ZNF200: variants seen among roughly 807,000 people sequenced by gnomAD.
The protein encoded by ZNF200 is zinc finger protein 200.
ZNF200 carries 35 observed loss-of-function variants against 33.6 expected under a neutral mutation model. The observed-to-expected ratio is 1.04, with a 90% confidence interval of 0.80 to 1.38. ZNF200 has a LOEUF of 1.38. Among genes scored for constraint, ZNF200 ranks in the 40% most tolerant of loss-of-function variants. The pLI is 0.00. For synonymous variants in ZNF200, 209 were observed against 167.7 expected (o/e 1.25, Z -1.90); for missense variants, 592 against 470.6 (o/e 1.26, Z -2.39).
rs1455626922 is a variant in ZNF200, at chr16:3,223,585, G to GA, written c.*306dup. The GA allele has an allele frequency of 4.0e-6, 1 of 249,548 alleles. No homozygotes were observed. Among genetic ancestry groups the GA allele is most frequent in the Non-Finnish European group, 7.6e-6 (1 of 132,042 alleles). 15.5% of individuals were successfully genotyped at this position (249,548 alleles called of 1,614,324 possible). A position where few individuals can be genotyped will look rare whatever the true frequency, so the allele number is the denominator to read the frequency against. Reference sequence around the variant, plus strand: ...TCACTCTTTGCCTTCCAAGTAAGCAGACTCCAGATTCATCTTCAAAGTGTT... The same window carrying GA: ...TCACTCTTTGCCTTCCAAGTAAGCAGAACTCCAGATTCATCTTCAAAGTGTT... On this transcript the variant is annotated 3_prime_UTR_variant, in exon 5 of 5. Coordinates refer to ENST00000414144, the MANE Select transcript of ZNF200 (RefSeq NM_198088.3).
At chr16:3,226,746 G>A (rs1448158514) in intron 4 of ZNF200, 2 of 152,110 alleles carry the variant, frequency 1.3e-5, no homozygotes, top group African/African-American at 2.4e-5. Context: ...AATGTGTTCT[G>A]TTGCTATATC....
chr16:3,230,654 G>C (rs1435262662), intron 4 of ZNF200, among the ~76,000 whole-genome samples: 1 of 152,160 alleles, frequency 6.6e-6, no homozygotes, highest in Non-Finnish European at 1.5e-5. Context: ...CCACCACAAT[G>C]TTCAATCCGT....
At position 3,232,053 on chromosome 16, in the gene ZNF200, G is replaced by T. The variant is rs1023123443; in HGVS notation, c.466+368C>A. Among the ~76,000 whole-genome samples the T allele has an allele frequency of 2.6e-5, 4 of 152,234 alleles. No homozygotes were observed. The East Asian group carries it at 7.7e-4, about 29-fold the overall frequency. On this transcript the variant is annotated intron_variant, in intron 4 of 4. Coordinates refer to ENST00000414144, the MANE Select transcript of ZNF200 (RefSeq NM_198088.3). Reference sequence around the variant, plus strand: ...TAGGCTAGTAGTCTTCACATCTATTGAACATCAAAAAGGGGAGGGGGATTA... The same window carrying T: ...TAGGCTAGTAGTCTTCACATCTATTTAACATCAAAAAGGGGAGGGGGATTA...
intron 1 of ZNF200, 170 bp downstream of exon 1, chr16:3,234,817 C>G (rs1958761119): frequency 6.6e-6 from 1 of 152,298 alleles, no homozygotes; most frequent in African/African-American, 2.4e-5. Context: ...CAGGCTCACT[C>G]TGGGGCCTCT....
chr16:3,230,949 C>T (rs899332606), intron 4 of ZNF200, among the ~76,000 whole-genome samples: 3 of 152,206 alleles, frequency 2.0e-5, no homozygotes, highest in African/African-American at 7.2e-5. Context: ...TGATGAATGA[C>T]TTGTCTTACA....
chr16:3,233,310 A>G (rs1958695218), intron 2 of ZNF200, among the ~76,000 whole-genome samples, 196 bp downstream of exon 2: 1 of 152,240 alleles, frequency 6.6e-6, no homozygotes, highest in African/African-American at 2.4e-5. Flanking sequence ...CTGACACTAC[A>G]GAAAGATGCA....
At chr16:3,232,050 A>C (rs1220470857) in intron 4 of ZNF200, among the ~76,000 whole-genome samples, 3 of 152,234 alleles carry the variant, frequency 2.0e-5, no homozygotes, top group Non-Finnish European at 4.4e-5. Context: ...CTTCACATCT[A>C]TTGAACATCA....
rs1958405205 is a variant in ZNF200, at chr16:3,224,167, C to T, written c.913G>A (p.Glu305Lys). The change falls in exon 5 of 5, where the codon GAG becomes AAG. Residue 305 changes from glutamate (E) to lysine (K), a missense_variant. By Grantham distance (56) the Glu-to-Lys change is moderately conservative (BLOSUM62 1). Coordinates refer to ENST00000414144, the MANE Select transcript of ZNF200 (RefSeq NM_198088.3). Reference sequence around the variant, plus strand: ...CACTGAGAACAGGAATAAGGTTTCTCTCCTGTATGAATTCGCTCATGTTTA... The same window carrying T: ...CACTGAGAACAGGAATAAGGTTTCTTTCCTGTATGAATTCGCTCATGTTTA... ...LNKHERIHTG[E>K]KPYSCSQCGK... 6.2e-7 allele frequency: 1 copy of T among 1,614,160 alleles called. No individual in the cohort carries two copies.
rs1567223758 is a variant in ZNF200, at chr16:3,232,554, G to A, written c.340-7C>T. 1 of 1,613,060 alleles carries A rather than the reference G, an allele frequency of 6.2e-7. No individual in the cohort carries two copies. Among genetic ancestry groups the A allele is most frequent in the Non-Finnish European group, 8.5e-7 (1 of 1,179,880 alleles). On this transcript the variant is annotated splice_polypyrimidine_tract_variant and splice_region_variant and intron_variant, in intron 3 of 4. Transcript: ENST00000414144. ...CCTCAAAGACCACCAGCTCCTGAAAGAGCAAGAGGCCCCTTTCATCTTAGT... is the reference window on the plus strand; with the variant it reads ...CCTCAAAGACCACCAGCTCCTGAAAAAGCAAGAGGCCCCTTTCATCTTAGT...
In ZNF200 at chr16:3,223,975, A is replaced by G; in HGVS notation, c.1105T>C (p.Cys369Arg). ...EAERPYGCKK[C>R]GRRFGRLSNC... The stretch of plus-strand genomic sequence containing the variant: ...GACAGCCGACCAAATCTTCTCCCAC[A>G]TTTTTTGCAACCATATGGTCTCTCA... Residue 369 changes from cysteine (C) to arginine (R), a missense_variant, in exon 5 of 5, where the codon TGT (cysteine) becomes CGT (arginine). Transcript: ENST00000414144. The G allele has an allele frequency of 1.2e-6, 2 of 1,613,904 alleles. No homozygotes were observed. The highest frequency in any genetic ancestry group is 1.7e-6 in the Non-Finnish European group (2 of 1,179,918).
In ZNF200 at chr16:3,222,399, T is replaced by G. The variant is rs1247957047; in HGVS notation, c.*1493A>C. ...TAACAGAACTAAACCAACAAACTAT[T>G]GAAAATTAACAACAGTGAGATGACT... On this transcript the variant is annotated 3_prime_UTR_variant, in exon 5 of 5. Coordinates refer to ENST00000414144, the MANE Select transcript of ZNF200 (RefSeq NM_198088.3). 6.6e-6 allele frequency: 1 copy of G among 152,080 alleles called. No homozygotes were observed. The highest frequency in any genetic ancestry group is 1.5e-5 in the Non-Finnish European group (1 of 68,008). The allele number at this position is 152,080 out of a possible 1,614,324, so 9.4% of individuals were successfully genotyped here. A position where few individuals can be genotyped will look rare whatever the true frequency, so the allele number is the denominator to read the frequency against.
chr16:3,234,036 G>A (rs1343828977), intron 1 of ZNF200, 200 bp from the exon 2 acceptor site: 1 of 308,558 alleles, frequency 3.2e-6, no homozygotes, highest in African/African-American at 2.2e-5. Context: ...GAAAAACAGA[G>A]ACTGTGCAAA....
chr16:3,232,511 AGT>A lies in ZNF200; in HGVS notation c.374_375del (p.His125LeufsTer21). 6.2e-7 allele frequency: 1 copy of A among 1,614,088 alleles called. No individual in the cohort carries two copies. Among genetic ancestry groups the A allele is most frequent in the African/African-American group, 1.3e-5 (1 of 75,052 alleles). ...LVVFEDLNVF[H>X]CQEECVSLDP... is the part of the protein sequence containing the mutation. ...TCCAAGCTCACACATTCTTCCTGGC[AGT>A]GAAATACATTCAAATCCTCAAAGAC... is the stretch of plus-strand genomic sequence containing the variant. On this transcript the variant is annotated frameshift_variant, in exon 4 of 5. Coordinates refer to ENST00000414144, the MANE Select transcript of ZNF200 (RefSeq NM_198088.3). LOFTEE classifies it high-confidence loss of function.
In ZNF200 at chr16:3,233,386, G is replaced by C. The variant is rs1303603544; in HGVS notation, c.250+120C>G. ...GAAGAACTTCCTCTTTCCAACACTA[G>C]AATTGACTCCTTTTCCAATATACAC... On this transcript the variant is annotated intron_variant, in intron 2 of 4. Coordinates refer to ENST00000414144, the MANE Select transcript of ZNF200 (RefSeq NM_198088.3). 2.9e-6 allele frequency: 4 copies of C among 1,363,156 alleles called. No homozygotes were observed. The African/African-American group carries it at 4.4e-5, about 15-fold the overall frequency. 84.4% of individuals were successfully genotyped at this position (1,363,156 alleles called of 1,614,324 possible). A position where few individuals can be genotyped will look rare whatever the true frequency, so the allele number is the denominator to read the frequency against.
Position 3,223,960 on chromosome 16 carries a change from C to T in ZNF200, c.1120G>A (p.Gly374Ser). ...YGCKKCGRRFGRLSNCTRHEK... is the reference protein window; with the variant it reads ...YGCKKCGRRFSRLSNCTRHEK... ...TGCCGGGTACAGTTTGACAGCCGAC[C>T]AAATCTTCTCCCACATTTTTTGCAA... The change falls in exon 5 of 5, where the codon GGT becomes AGT. Residue 374 changes from glycine (G) to serine (S), a missense_variant. Gly to Ser is a moderately conservative substitution (Grantham distance 56). Transcript: ENST00000414144. 6.2e-7 allele frequency: 1 copy of T among 1,614,128 alleles called. No homozygotes were observed. The highest frequency in any genetic ancestry group is 8.5e-7 in the Non-Finnish European group (1 of 1,180,020).
intron 4 of ZNF200, among the ~76,000 whole-genome samples, chr16:3,229,000 G>A (rs1958556617): frequency 1.3e-5 from 2 of 152,026 alleles, no homozygotes; most frequent in South Asian, 4.1e-4. Context: ...AAAAAAGGAT[G>A]GTTTTGTCTG....
intron 4 of ZNF200, among the ~76,000 whole-genome samples, chr16:3,228,318 G>C: frequency 6.6e-6 from 1 of 151,872 alleles, no homozygotes; most frequent in African/African-American, 2.4e-5. Flanking sequence ...TTATTTTTAA[G>C]TTTTCTGATT....
chr16:3,223,813 G>T lies in ZNF200; in HGVS notation c.*79C>A, dbSNP rs1400812523. 1.3e-6 allele frequency: 2 copies of T among 1,503,412 alleles called. No individual in the cohort carries two copies. Among genetic ancestry groups the T allele is most frequent in the Non-Finnish European group, 1.8e-6 (2 of 1,130,374 alleles). 93.1% of individuals were successfully genotyped at this position (1,503,412 alleles called of 1,614,324 possible). A position where few individuals can be genotyped will look rare whatever the true frequency, so the allele number is the denominator to read the frequency against. ...TTTTTACACATTTATACCTTTTTAG[G>T]CAGCTTGGGAATTCAGAACTACTTA... On this transcript the variant is annotated 3_prime_UTR_variant, in exon 5 of 5. Coordinates refer to ENST00000414144, the MANE Select transcript of ZNF200 (RefSeq NM_198088.3).
chr16:3,232,060 A>G (rs1471202423), intron 4 of ZNF200, among the ~76,000 whole-genome samples: 1 of 152,206 alleles, frequency 6.6e-6, no homozygotes, highest in East Asian at 1.9e-4. Flanking sequence ...ATTGAACATC[A>G]AAAAGGGGAG....
Sources: gnomAD v4.1 joint callset for allele counts (sites outside exome capture counted in the v4.1 genomes callset) on GRCh38, gnomAD v4.1.1 for gene constraint, MANE v1.5 for transcripts, NCBI Gene and HGNC (gene_info 2026-07-23, HGNC 2026-07-21) for gene names.